VRK2: variants seen among roughly 807,000 people sequenced by gnomAD.
The protein encoded by VRK2 is serine/threonine-protein kinase VRK2.
In VRK2, 60 loss-of-function variants were observed where a neutral mutation model predicts 57.6. The observed-to-expected ratio is 1.04, with a 90% confidence interval of 0.85 to 1.29. The LOEUF is 1.29. Among genes scored for constraint, VRK2 ranks in the 50% most tolerant of loss-of-function variants. The pLI is 0.00. For synonymous variants in VRK2, 231 were observed against 199.2 expected (o/e 1.16, Z -1.35); for missense variants, 705 against 588.1 (o/e 1.20, Z -2.06).
intron 7 of VRK2, among the ~76,000 whole-genome samples, chr2:58,114,491 G>A (rs1165938787): frequency 2.6e-5 from 4 of 152,206 alleles, no homozygotes; most frequent in Non-Finnish European, 5.9e-5. Flanking sequence ...TAATAAAAAG[G>A]AGCGTCTATA....
At chr2:57,931,147 A>T (rs565438929) in intron 1 of VRK2, among the ~76,000 whole-genome samples, 3 of 151,978 alleles carry the variant, frequency 2.0e-5, no homozygotes, top group Admixed American at 2.0e-4. Context: ...TTTTTTTTGT[A>T]CGTATACCCA....
intron 1 of VRK2, among the ~76,000 whole-genome samples, chr2:57,909,329 A>G (rs917958000): frequency 6.6e-6 from 1 of 152,226 alleles, no homozygotes; most frequent in African/African-American, 2.4e-5. Context: ...AAACTGAAAT[A>G]CCAAGAGTAA....
rs1276929798 is a variant in VRK2, at chr2:58,084,116, A to T, written c.164A>T (p.Asp55Val). The T allele has an allele frequency of 5.0e-6, 8 of 1,607,106 alleles. No individual in the cohort carries two copies. The highest frequency in any genetic ancestry group is 6.8e-6 in the Non-Finnish European group (8 of 1,175,858). ...TTCCCCACAAATAAACCAGAGAAAG[A>T]TGCAAGACATGTAGTAAAAGTGGTA... is the stretch of plus-strand genomic sequence containing the variant. The part of the protein sequence containing the change: ...LAFPTNKPEK[D>V]ARHVVKVEYQ... The change falls in exon 3 of 13, where the codon GAT (aspartate) becomes GTT (valine). Residue 55 changes from aspartate (D) to valine (V), a missense_variant. By Grantham distance (152) the Asp-to-Val change is radical. Coordinates refer to ENST00000340157, the MANE Select transcript of VRK2 (RefSeq NM_006296.7).
At chr2:58,154,919 A>G (rs997089523) in intron 12 of VRK2, 2 of 530,460 alleles carry the variant, frequency 3.8e-6, no homozygotes, top group African/African-American at 3.9e-5. Flanking sequence ...GACTTTTAAT[A>G]CCTTATTTAG....
At chr2:57,999,061 A>G (rs953852273) in intron 1 of VRK2, among the ~76,000 whole-genome samples, 2 of 151,668 alleles carry the variant, frequency 1.3e-5, no homozygotes, top group African/African-American at 4.8e-5. Flanking sequence ...ATTATAAGGT[A>G]TAAGGGGGTG....
At chr2:58,118,010 G>A (rs1214442327) in intron 7 of VRK2, among the ~76,000 whole-genome samples, 2 of 152,174 alleles carry the variant, frequency 1.3e-5, no homozygotes, top group Non-Finnish European at 1.5e-5. Flanking sequence ...TTGGGGAGCG[G>A]AAATAAGGGA....
chr2:58,151,637 C>A (rs1280373934), intron 12 of VRK2, among the ~76,000 whole-genome samples: 2 of 138,562 alleles, frequency 1.4e-5, no homozygotes, highest in Non-Finnish European at 1.6e-5. Context: ...AGTTTGCTTT[C>A]TTTTTGCCCC....
intron 10 of VRK2, 78 bp from the exon 11 acceptor site, chr2:58,139,588 C>A: frequency 1.6e-6 from 2 of 1,285,004 alleles, no homozygotes; most frequent in Non-Finnish European, 2.2e-6. Context: ...ACAAAGATAA[C>A]AAAGATTTTG....
intron 1 of VRK2, among the ~76,000 whole-genome samples, chr2:57,972,731 T>A (rs1189021378): frequency 6.6e-6 from 1 of 151,936 alleles, no homozygotes; most frequent in Non-Finnish European, 1.5e-5. Context: ...AATTTGTTTA[T>A]CTTAAATATT....
At position 58,146,416 on chromosome 2, in the gene VRK2, C is replaced by T; in HGVS notation, c.1124C>T (p.Thr375Ile). The T allele has an allele frequency of 1.2e-6, 2 of 1,611,662 alleles. No homozygotes were observed. Among genetic ancestry groups the T allele is most frequent in the Non-Finnish European group, 1.7e-6 (2 of 1,178,372 alleles). Residue 375 changes from threonine (T) to isoleucine (I), a missense_variant, in exon 12 of 13, where the codon ACA becomes ATA. Thr to Ile is a moderately conservative substitution (Grantham distance 89, BLOSUM62 -1). Coordinates refer to ENST00000340157, the MANE Select transcript of VRK2 (RefSeq NM_006296.7). ...HSERSAESCA[T>I]WKVQKEEKLI... Reference sequence around the variant, plus strand: ...GAGAGAAGCGCTGAGTCCTGTGCAACATGGAAAGTGCAGAAAGAGGAGAAA... The same window carrying T: ...GAGAGAAGCGCTGAGTCCTGTGCAATATGGAAAGTGCAGAAAGAGGAGAAA...
chr2:58,075,053 C>A (rs1669896840), intron 2 of VRK2, among the ~76,000 whole-genome samples: 1 of 152,026 alleles, frequency 6.6e-6, no homozygotes, highest in Non-Finnish European at 1.5e-5. Flanking sequence ...CTACCCTATA[C>A]CCTTAAGTAG....
intron 7 of VRK2, among the ~76,000 whole-genome samples, chr2:58,098,890 T>C (rs1673543386): frequency 6.6e-6 from 1 of 152,118 alleles, no homozygotes. Context: ...AATAATATTA[T>C]GTTTATAATT....
intron 12 of VRK2, among the ~76,000 whole-genome samples, chr2:58,150,067 T>C (rs544552997): frequency 6.6e-6 from 1 of 150,396 alleles, no homozygotes; most frequent in Non-Finnish European, 1.5e-5. Flanking sequence ...GGATGGCTAC[T>C]TCACAGAGCA....
chr2:58,123,937 T>C (rs1001527163), intron 8 of VRK2, among the ~76,000 whole-genome samples: 2 of 152,206 alleles, frequency 1.3e-5, no homozygotes, highest in African/African-American at 2.4e-5. Flanking sequence ...GATACATCTC[T>C]CAGCAGTAAG....
intron 2 of VRK2, among the ~76,000 whole-genome samples, chr2:58,078,534 C>A (rs1049191044): frequency 1.3e-5 from 2 of 152,036 alleles, no homozygotes; most frequent in Non-Finnish European, 2.9e-5. Flanking sequence ...ATTGCTAGAT[C>A]ATATGGTAAT....
chr2:58,113,001 A>G (rs1334691741), intron 7 of VRK2, among the ~76,000 whole-genome samples: 1 of 152,030 alleles, frequency 6.6e-6, no homozygotes, highest in East Asian at 1.9e-4. Flanking sequence ...ATTCCTGGGG[A>G]AGGAGTTTTA....
chr2:58,020,147 G>C (rs1417127330), intron 1 of VRK2, among the ~76,000 whole-genome samples: 1 of 152,152 alleles, frequency 6.6e-6, no homozygotes, highest in Non-Finnish European at 1.5e-5. Context: ...ATATAATCAA[G>C]TACTACCTAC....
intron 1 of VRK2, among the ~76,000 whole-genome samples, chr2:57,991,095 G>A (rs1672752437): frequency 6.6e-6 from 1 of 151,950 alleles, no homozygotes; most frequent in Non-Finnish European, 1.5e-5. Context: ...CCTATCCTTT[G>A]CCTCTAATGT....
chr2:57,981,606 T>C (rs1452601211), intron 1 of VRK2, among the ~76,000 whole-genome samples: 1 of 152,234 alleles, frequency 6.6e-6, no homozygotes, highest in Non-Finnish European at 1.5e-5. Context: ...AGGAAGTTTT[T>C]GTGGACAATA....
Sources: gnomAD v4.1 joint callset for allele counts (sites outside exome capture counted in the v4.1 genomes callset) on GRCh38, gnomAD v4.1.1 for gene constraint, MANE v1.5 for transcripts, NCBI Gene and HGNC (gene_info 2026-07-23, HGNC 2026-07-21) for gene names.